GNAQ: variants seen among roughly 807,000 people sequenced by gnomAD.
The protein encoded by GNAQ is G protein subunit alpha q, also known as guanine nucleotide-binding protein G(q) subunit alpha.
A neutral mutation model predicts 43.9 loss-of-function variants in GNAQ; 8 were observed. That is an observed-to-expected ratio of 0.18 (90% CI 0.11 to 0.33). GNAQ has a LOEUF of 0.33. GNAQ is among the 10% of genes least tolerant of loss of function. The pLI is 1.00. For missense variants in GNAQ, 158 were observed against 450.8 expected (o/e 0.35, Z 5.88); for synonymous variants, 155 against 170.7 (o/e 0.91, Z 0.71).
intron 2 of GNAQ, among the ~76,000 whole-genome samples, chr9:77,857,977 G>C (rs906619555): frequency 5.3e-5 from 8 of 151,594 alleles, no homozygotes; most frequent in African/African-American, 1.9e-4. Flanking sequence ...AAACAGAGCT[G>C]TCAGCTCTGT....
At chr9:77,818,522 C>CT (rs147591578) in intron 2 of GNAQ, among the ~76,000 whole-genome samples, 14,130 of 150,172 alleles carry the variant, frequency 0.094, 884 homozygotes, top group Middle Eastern at 0.14. Flanking sequence ...AAATTAGATA[C>CT]TTTTTTTCTA....
chr9:77,794,934 C>T (rs768490877), intron 4 of GNAQ, among the ~76,000 whole-genome samples: 1 of 152,016 alleles, frequency 6.6e-6, no homozygotes, highest in African/African-American at 2.4e-5. Flanking sequence ...TGTGTTAAGC[C>T]CTACTGGCAA....
At chr9:77,910,486 T>C (rs1828781754) in intron 2 of GNAQ, among the ~76,000 whole-genome samples, 1 of 152,210 alleles carries the variant, frequency 6.6e-6, no homozygotes, top group South Asian at 2.1e-4. Context: ...TGCGTTAAAC[T>C]ATGCCACATG....
intron 1 of GNAQ, among the ~76,000 whole-genome samples, chr9:77,975,683 G>C (rs1341719271): frequency 6.6e-6 from 1 of 151,752 alleles, no homozygotes; most frequent in Non-Finnish European, 1.5e-5. Flanking sequence ...GGGATTACAC[G>C]CGCACACCAC....
At chr9:77,959,887 T>A (rs1469061546) in intron 1 of GNAQ, among the ~76,000 whole-genome samples, 1 of 152,154 alleles carries the variant, frequency 6.6e-6, no homozygotes, top group African/African-American at 2.4e-5. Context: ...GTTCTAGGAA[T>A]CCTCCATGTT....
intron 1 of GNAQ, among the ~76,000 whole-genome samples, chr9:77,990,816 A>G (rs1207881823): frequency 6.6e-6 from 1 of 152,186 alleles, no homozygotes; most frequent in East Asian, 1.9e-4. Context: ...GCCAATAAAT[A>G]GCAATTTCTC....
Position 77,719,323 on chromosome 9 carries a change from T to C in GNAQ, c.*2000A>G, listed in dbSNP as rs1260476831. 1 of 232,558 alleles carries C rather than the reference T, an allele frequency of 4.3e-6. No individual in the cohort carries two copies. The highest frequency in any genetic ancestry group is 6.1e-5 in the East Asian group (1 of 16,496). 14.4% of individuals were successfully genotyped at this position (232,558 alleles called of 1,614,324 possible). A position where few individuals can be genotyped will look rare whatever the true frequency, so the allele number is the denominator to read the frequency against. On this transcript the variant is annotated 3_prime_UTR_variant, in exon 7 of 7. Transcript: ENST00000286548. ...AAAAAATTAATGATTACAAAGCCAGTATGGATGCTGCAATATCAAGAGAGA... is the reference window on the plus strand; with the variant it reads ...AAAAAATTAATGATTACAAAGCCAGCATGGATGCTGCAATATCAAGAGAGA...
intron 6 of GNAQ, 87 bp downstream of exon 6, chr9:77,728,427 T>G (rs1276977423): frequency 2.3e-6 from 2 of 878,804 alleles, no homozygotes; most frequent in Non-Finnish European, 3.8e-6. Context: ...GCAGCAATGG[T>G]GCACTGTAGT....
At chr9:77,757,337 C>G (rs891450291) in intron 5 of GNAQ, among the ~76,000 whole-genome samples, 2 of 152,160 alleles carry the variant, frequency 1.3e-5, no homozygotes, top group African/African-American at 4.8e-5. Context: ...TCACTTTCAG[C>G]TAGCCTCATA....
intron 2 of GNAQ, among the ~76,000 whole-genome samples, chr9:77,825,052 T>C (rs1445228997): frequency 1.3e-5 from 2 of 152,206 alleles, no homozygotes; most frequent in Non-Finnish European, 2.9e-5. Context: ...GCAGAAGATT[T>C]GTGTCTTTCG....
chr9:77,820,415 C>T (rs1827094713), intron 2 of GNAQ, among the ~76,000 whole-genome samples: 1 of 152,178 alleles, frequency 6.6e-6, no homozygotes, highest in Admixed American at 6.5e-5. Context: ...TTTTTCTGAG[C>T]ATTACTGCAT....
At chr9:78,018,612 A>C (rs1466848192) in intron 1 of GNAQ, among the ~76,000 whole-genome samples, 1 of 152,176 alleles carries the variant, frequency 6.6e-6, no homozygotes, top group African/African-American at 2.4e-5. Flanking sequence ...GAAGAAAATA[A>C]ACATTTCTTC....
intron 1 of GNAQ, among the ~76,000 whole-genome samples, chr9:77,956,059 T>A (rs1176694916): frequency 6.6e-6 from 1 of 152,194 alleles, no homozygotes; most frequent in Non-Finnish European, 1.5e-5. Context: ...TTAAAAGAAA[T>A]ATTGTCTTTT....
chr9:77,868,123 C>G (rs1448006969), intron 2 of GNAQ, among the ~76,000 whole-genome samples: 2 of 152,200 alleles, frequency 1.3e-5, no homozygotes, highest in Non-Finnish European at 2.9e-5. Context: ...TTTATAAGTA[C>G]ATGTGCATAT....
intron 1 of GNAQ, among the ~76,000 whole-genome samples, chr9:77,988,035 C>T (rs1374619830): frequency 6.6e-6 from 1 of 152,158 alleles, no homozygotes; most frequent in Non-Finnish European, 1.5e-5. Context: ...GTGCGAAAAG[C>T]AATCCAGACA....
chr9:77,964,860 ATAATCT>A (rs1406948071), intron 1 of GNAQ, among the ~76,000 whole-genome samples: 1 of 152,162 alleles, frequency 6.6e-6, no homozygotes, highest in East Asian at 1.9e-4. Context: ...TTTATAACTA[ATAATCT>A]TAAGATAAAA....
chr9:77,906,959 T>G (rs1393452156), intron 2 of GNAQ, among the ~76,000 whole-genome samples: 1 of 152,210 alleles, frequency 6.6e-6, no homozygotes, highest in African/African-American at 2.4e-5. Flanking sequence ...AGATTACAAG[T>G]GATTTTTTCC....
chr9:77,943,942 CAGGCGTG>C (rs1829350946), intron 1 of GNAQ, among the ~76,000 whole-genome samples: 1 of 152,152 alleles, frequency 6.6e-6, no homozygotes, highest in South Asian at 2.1e-4. Context: ...GCTGGGATTA[CAGGCGTG>C]AGACACAGTG....
At position 77,802,429 on chromosome 9, in the gene GNAQ, A is replaced by G. The variant is rs529949609; in HGVS notation, c.477-4781T>C. 5.9e-5 allele frequency among the ~76,000 whole-genome samples: 9 copies of G among 152,260 alleles called. 1 individual carries two copies. In the East Asian group the frequency reaches 1.7e-3, roughly 30 times the overall value. On this transcript the variant is annotated intron_variant, in intron 3 of 6. Transcript: ENST00000286548. ...GATGGTCCTCGTCACATACTGAGAAAAGGTAATAAAATAATCTCTTAACTG... is the reference window on the plus strand; with the variant it reads ...GATGGTCCTCGTCACATACTGAGAAGAGGTAATAAAATAATCTCTTAACTG...
Sources: gnomAD v4.1 joint callset for allele counts (sites outside exome capture counted in the v4.1 genomes callset) on GRCh38, gnomAD v4.1.1 for gene constraint, MANE v1.5 for transcripts, NCBI Gene and HGNC (gene_info 2026-07-23, HGNC 2026-07-21) for gene names.